Variants in ATP1B3 observed in about 807,000 individuals in gnomAD.
ATP1B3 encodes sodium/potassium-transporting ATPase subunit beta-3.
ATP1B3 carries 10 observed loss-of-function variants against 30.2 expected under a neutral mutation model. That is an observed-to-expected ratio of 0.33 (90% CI 0.20 to 0.56). The LOEUF (loss-of-function observed/expected upper bound fraction) is 0.56. ATP1B3 is among the 20% of genes least tolerant of loss of function. The probability of loss-of-function intolerance (pLI) is 0.90; values close to 1 mark genes in which losing one functional copy is unlikely to be tolerated. For missense variants in ATP1B3, 238 were observed against 336.7 expected (o/e 0.71, Z 2.29); for synonymous variants, 113 against 117.0 (o/e 0.97, Z 0.22).
chr3:141,891,891 C>CTT (rs72396246), intron 1 of ATP1B3, among the ~76,000 whole-genome samples: 15,337 of 117,808 alleles, frequency 0.13, 978 homozygotes, highest in Middle Eastern at 0.2. Context: ...AATGTGGCCT[C>CTT]TTTTTTTTTT....
At chr3:141,886,238 C>T (rs1933830565) in intron 1 of ATP1B3, among the ~76,000 whole-genome samples, 1 of 152,062 alleles carries the variant, frequency 6.6e-6, no homozygotes, top group African/African-American at 2.4e-5. Context: ...CATTATGCAC[C>T]CTATGTTGTA....
At chr3:141,889,806 CAT>C (rs1238479409) in intron 1 of ATP1B3, among the ~76,000 whole-genome samples, 4 of 136,042 alleles carry the variant, frequency 2.9e-5, no homozygotes, top group Non-Finnish European at 6.2e-5. Flanking sequence ...CGTATATCTA[CAT>C]ATATGTGTGT....
At chr3:141,904,673 T>C (rs2107773081) in intron 2 of ATP1B3, among the ~76,000 whole-genome samples, 1 of 151,206 alleles carries the variant, frequency 6.6e-6, no homozygotes, top group African/African-American at 2.4e-5. Flanking sequence ...CCACATTTTC[T>C]ACCTCCTGAT....
intron 1 of ATP1B3, among the ~76,000 whole-genome samples, chr3:141,890,969 GTTCTC>G (rs1933940199): frequency 6.6e-6 from 1 of 151,968 alleles, no homozygotes; most frequent in East Asian, 1.9e-4. Flanking sequence ...TCATCTTTTT[GTTCTC>G]TTGTCTCTTA....
chr3:141,881,949 A>G lies in ATP1B3; in HGVS notation c.109+5039A>G, dbSNP rs559119006. On this transcript the variant is annotated intron_variant, in intron 1 of 6. Transcript: ENST00000286371. ...GAAGTAGTCCTGTGGTGGGAGGGAG[A>G]GAAAGGGTAAGTGTATGTGTTGTGT... is the stretch of plus-strand genomic sequence containing the variant. 7.9e-5 allele frequency among the ~76,000 whole-genome samples: 12 copies of G among 152,248 alleles called. No homozygotes were observed. In the South Asian group the frequency reaches 2.5e-3, roughly 32 times the overall value.
At chr3:141,892,989 C>T (rs1010095882) in intron 1 of ATP1B3, among the ~76,000 whole-genome samples, 4 of 152,118 alleles carry the variant, frequency 2.6e-5, no homozygotes, top group African/African-American at 7.2e-5. Flanking sequence ...GATCTCTGCT[C>T]ACCATTGCCT....
At chr3:141,915,869 TTAA>T in intron 4 of ATP1B3, 98 bp from the exon 5 acceptor site, 1 of 781,858 alleles carries the variant, frequency 1.3e-6, no homozygotes, top group Non-Finnish European at 2.1e-6. Flanking sequence ...AGACTTGGTG[TTAA>T]TCTCAAAGTC....
At chr3:141,912,093 C>G (rs1320179674) in intron 3 of ATP1B3, among the ~76,000 whole-genome samples, 1 of 152,118 alleles carries the variant, frequency 6.6e-6, no homozygotes, top group Non-Finnish European at 1.5e-5. Context: ...AAGTTTATCT[C>G]TACCCCCACA....
chr3:141,909,586 C>G (rs1382163863), intron 3 of ATP1B3, among the ~76,000 whole-genome samples: 1 of 152,162 alleles, frequency 6.6e-6, no homozygotes, highest in South Asian at 2.1e-4. Context: ...GCAGTAGGTG[C>G]AAAGGCCCTG....
At chr3:141,882,660 C>T (rs556932964) in intron 1 of ATP1B3, among the ~76,000 whole-genome samples, 1 of 152,274 alleles carries the variant, frequency 6.6e-6, no homozygotes, top group East Asian at 1.9e-4. Context: ...ATCGGCTCAC[C>T]GCAACCTCTG....
At chr3:141,912,067 A>G (rs1475448238) in intron 3 of ATP1B3, among the ~76,000 whole-genome samples, 1 of 152,124 alleles carries the variant, frequency 6.6e-6, no homozygotes, top group African/African-American at 2.4e-5. Flanking sequence ...GGATGTCATG[A>G]TGCTGTTTTG....
chr3:141,908,540 G>A (rs1048107963), intron 3 of ATP1B3, among the ~76,000 whole-genome samples: 2 of 152,234 alleles, frequency 1.3e-5, no homozygotes, highest in African/African-American at 4.8e-5. Flanking sequence ...CACACCCTGT[G>A]GGAGTACCCC....
At chr3:141,923,271 C>G (rs1934598420) in intron 6 of ATP1B3, among the ~76,000 whole-genome samples, 1 of 116,554 alleles carries the variant, frequency 8.6e-6, no homozygotes, top group Admixed American at 9.2e-5. Flanking sequence ...AAGCAAGACT[C>G]TATCTCAAAA....
At chr3:141,894,279 A>T (rs2861382) in intron 1 of ATP1B3, among the ~76,000 whole-genome samples, 11,058 of 151,840 alleles carry the variant, frequency 0.073, 484 homozygotes, top group East Asian at 0.15. Context: ...ATTTATTAAA[A>T]TTTTTTTTAC....
intron 1 of ATP1B3, among the ~76,000 whole-genome samples, chr3:141,897,699 G>T (rs1934093582): frequency 6.6e-6 from 1 of 151,990 alleles, no homozygotes; most frequent in African/African-American, 2.4e-5. Context: ...TGTTCATCGG[G>T]TTTTTGTTTT....
In ATP1B3 at chr3:141,925,687, A is replaced by G. The variant is rs944862206; in HGVS notation, c.826A>G (p.Thr276Ala). The change falls in exon 7 of 7, where the codon ACA (threonine) becomes GCA (alanine). Residue 276 changes from threonine to alanine, a missense_variant. Physicochemically the swap from Thr to Ala is moderately conservative, Grantham distance 58 (BLOSUM62 0). Around this residue, in one of 3 missense-constraint regions of ATP1B3, gnomAD observed 50 missense variants for 62.3 expected, o/e 0.80. Coordinates refer to ENST00000286371, the MANE Select transcript of ATP1B3 (RefSeq NM_001679.4). ...KFLGRVMFKI[T>A]ARA ...TTTGGGACGAGTTATGTTCAAAATC[A>G]CAGCACGTGCATAGTATGAGTAGGA... The G allele has an allele frequency of 3.1e-6, 5 of 1,611,444 alleles. No homozygotes were observed. Among genetic ancestry groups the G allele is most frequent in the Non-Finnish European group, 4.2e-6 (5 of 1,179,494 alleles).
At chr3:141,922,435 C>T (rs1323557719) in intron 6 of ATP1B3, among the ~76,000 whole-genome samples, 1 of 150,704 alleles carries the variant, frequency 6.6e-6, no homozygotes, top group Admixed American at 6.6e-5. Context: ...GGCGCATTAC[C>T]TGAGGTCAGG....
At chr3:141,904,264 T>C (rs1559870102) in intron 2 of ATP1B3, among the ~76,000 whole-genome samples, 1 of 152,004 alleles carries the variant, frequency 6.6e-6, no homozygotes, top group Non-Finnish European at 1.5e-5. Context: ...TACTGATAAA[T>C]CTTGAGAGTT....
At chr3:141,885,874 C>T (rs1279956308) in intron 1 of ATP1B3, among the ~76,000 whole-genome samples, 2 of 137,758 alleles carry the variant, frequency 1.5e-5, no homozygotes, top group South Asian at 2.4e-4. Flanking sequence ...TTATCTGCTG[C>T]GTTAAAACAC....
Sources: allele counts gnomAD v4.1 joint callset (sites outside exome capture counted in the v4.1 genomes callset), GRCh38; gene constraint gnomAD v4.1.1; regional missense constraint gnomAD v4.1.1; transcripts MANE v1.5; gene names NCBI Gene and HGNC (gene_info 2026-07-23, HGNC 2026-07-21).